SCRG1: variants seen among roughly 807,000 people sequenced by gnomAD.
The protein encoded by SCRG1 is scrapie-responsive protein 1.
A neutral mutation model predicts 7.7 loss-of-function variants in SCRG1; 3 were observed. The ratio of observed to expected loss-of-function variants is 0.39; its 90% CI spans 0.18 to 1.01. SCRG1 has a LOEUF of 1.01. Ranked by LOEUF, SCRG1 falls within the 50% of genes least tolerant of loss-of-function variation. The pLI, the probability that SCRG1 is intolerant of heterozygous loss-of-function variation, is 0.36. For missense variants in SCRG1, 110 were observed against 117.2 expected (o/e 0.94, Z 0.28); for synonymous variants, 46 against 41.2 (o/e 1.12, Z -0.44).
At chr4:173,394,694 C>A (rs1280838365) in intron 1 of SCRG1, among the ~76,000 whole-genome samples, 1 of 152,132 alleles carries the variant, frequency 6.6e-6, no homozygotes, top group East Asian at 1.9e-4. Flanking sequence ...AACAACTTAA[C>A]TTCAATCACA....
chr4:173,487,267 G>A, the SCRG1 span, among the ~76,000 whole-genome samples: 1 of 152,182 alleles, frequency 6.6e-6, no homozygotes, highest in Non-Finnish European at 1.5e-5. Flanking sequence ...TCACCATTAA[G>A]ATTTTGAATG....
chr4:173,474,413 G>A, the SCRG1 span, among the ~76,000 whole-genome samples: 1 of 152,146 alleles, frequency 6.6e-6, no homozygotes, highest in Admixed American at 6.5e-5. Context: ...TGTGGATGGG[G>A]AGACAGAACA....
chr4:173,427,512 C>T, the SCRG1 span, among the ~76,000 whole-genome samples: 1 of 152,258 alleles, frequency 6.6e-6, no homozygotes, highest in East Asian at 1.9e-4. Context: ...TCTGAGAGTC[C>T]AATGCGAATG....
At chr4:173,443,247 A>T in the SCRG1 span, among the ~76,000 whole-genome samples, 19 of 152,196 alleles carry the variant, frequency 1.2e-4, no homozygotes, top group Non-Finnish European at 2.5e-4. Context: ...CACAGAATAG[A>T]AAGGAAATGA....
chr4:173,410,621 A>C (rs1449879629), upstream of SCRG1, among the ~76,000 whole-genome samples: 4 of 152,230 alleles, frequency 2.6e-5, no homozygotes, highest in Non-Finnish European at 5.9e-5. Context: ...GGAGGAATGG[A>C]GGCTTAAGCA....
At chr4:173,408,802 G>T (rs1277084218), upstream of SCRG1, among the ~76,000 whole-genome samples, 2 of 151,902 alleles carry the variant, frequency 1.3e-5, no homozygotes, top group Admixed American at 1.3e-4. Context: ...GACCATCCTG[G>T]CTAACACGGT....
intron 1 of SCRG1, among the ~76,000 whole-genome samples, chr4:173,397,699 T>C (rs1739644941): frequency 6.6e-6 from 1 of 152,198 alleles, no homozygotes; most frequent in African/African-American, 2.4e-5. Context: ...AAATGGAGAC[T>C]TAAAAAGAAA....
At chr4:173,420,218 G>T in the SCRG1 span, 1 of 333,248 alleles carries the variant, frequency 3.0e-6, no homozygotes, top group Admixed American at 3.9e-5. Context: ...GCCCTTTTCT[G>T]TACTTTTGAT....
the SCRG1 span, among the ~76,000 whole-genome samples, chr4:173,517,930 A>G: frequency 6.6e-6 from 1 of 152,126 alleles, no homozygotes; most frequent in South Asian, 2.1e-4. Flanking sequence ...CTCCTCCCGG[A>G]CCTCGGGCCT....
rs772412512 is a variant in SCRG1 at position 173,388,214 on chromosome 4, T to C, written c.*127A>G. 8.8e-6 allele frequency: 5 copies of C among 566,002 alleles called. No individual in the cohort carries two copies. The highest frequency in any genetic ancestry group is 1.5e-5 in the Non-Finnish European group (5 of 325,136). The allele number at this position is 566,002 out of a possible 1,614,324, so 35.1% of individuals were successfully genotyped here. A position where few individuals can be genotyped will look rare whatever the true frequency, so the allele number is the denominator to read the frequency against. On this transcript the variant is annotated 3_prime_UTR_variant, in exon 3 of 3. Transcript: ENST00000296506. Reference sequence around the variant, plus strand: ...TTGTTTAACACAGATTTACTTGTCTTAGACAAGTAAGAATTTATAGAATCT... The same window carrying C: ...TTGTTTAACACAGATTTACTTGTCTCAGACAAGTAAGAATTTATAGAATCT...
the SCRG1 span, among the ~76,000 whole-genome samples, chr4:173,492,927 T>C: frequency 2.0e-5 from 3 of 152,162 alleles, no homozygotes; most frequent in Admixed American, 2.0e-4. Context: ...CAATGCCATG[T>C]GCTATGGACA....
chr4:173,494,470 TGTGCCAACACGGG>T, the SCRG1 span, among the ~76,000 whole-genome samples: 1 of 152,184 alleles, frequency 6.6e-6, no homozygotes, highest in African/African-American at 2.4e-5. Context: ...GCAGAGACAA[TGTGCCAACACGGG>T]GTGCGCTCTT....
the SCRG1 span, among the ~76,000 whole-genome samples, chr4:173,512,990 G>C: frequency 6.6e-6 from 1 of 152,182 alleles, no homozygotes; most frequent in Non-Finnish European, 1.5e-5. Flanking sequence ...TGTGATAAAT[G>C]TGTATTTCCC....
At chr4:173,455,729 C>T in the SCRG1 span, among the ~76,000 whole-genome samples, 11 of 152,176 alleles carry the variant, frequency 7.2e-5, no homozygotes, top group East Asian at 7.7e-4. Flanking sequence ...AAAATGACCG[C>T]GCCCAAAGCA....
chr4:173,487,958 G>C, the SCRG1 span, among the ~76,000 whole-genome samples: 3 of 152,002 alleles, frequency 2.0e-5, no homozygotes, highest in Admixed American at 2.0e-4. Flanking sequence ...AAAATTAGCT[G>C]GGTGTGGTGG....
chr4:173,476,363 A>AAAATATATATATATATATATAT, the SCRG1 span, among the ~76,000 whole-genome samples: 10 of 98,492 alleles, frequency 1.0e-4, no homozygotes, highest in East Asian at 1.1e-3. Context: ...GGAAAAAAAA[A>AAAATATATATATATATATATAT]ATATATATAT....
the SCRG1 span, among the ~76,000 whole-genome samples, chr4:173,456,154 G>A: frequency 3.9e-5 from 6 of 152,278 alleles, no homozygotes; most frequent in South Asian, 8.3e-4. Context: ...AATAGGACTC[G>A]AGCAGCTGAT....
the SCRG1 span, among the ~76,000 whole-genome samples, chr4:173,515,637 A>AG: frequency 3.3e-5 from 5 of 151,954 alleles, no homozygotes; most frequent in Admixed American, 2.6e-4. This position sits in a 1 kb window ranked among gnomAD's most constrained non-coding sequence, Gnocchi z 4.6. Context: ...GCAGGTATGG[A>AG]GGTCAGGCTG....
the SCRG1 span, among the ~76,000 whole-genome samples, chr4:173,518,019 C>T: frequency 2.6e-4 from 39 of 152,240 alleles, no homozygotes; most frequent in African/African-American, 8.9e-4. Context: ...CAGCAAGCTG[C>T]CCTCACCCCG....
Sources: allele counts gnomAD v4.1 joint callset (sites outside exome capture counted in the v4.1 genomes callset), GRCh38; gene constraint gnomAD v4.1.1; non-coding constraint Gnocchi (gnomAD v3.1); transcripts MANE v1.5; gene names NCBI Gene and HGNC (gene_info 2026-07-23, HGNC 2026-07-21).